Variants in RANBP17 observed in about 807,000 individuals in gnomAD.
RANBP17 encodes the protein RAN binding protein 17.
Under a neutral mutation model 141.2 loss-of-function variants are expected in RANBP17, and 158 were observed. The ratio of observed to expected loss-of-function variants is 1.12; its 90% CI spans 0.98 to 1.28. The LOEUF is 1.28. Among genes scored for constraint, RANBP17 ranks in the 50% most tolerant of loss-of-function variants. The pLI is 0.00. For synonymous variants in RANBP17, 430 were observed against 450.0 expected (o/e 0.96, Z 0.56); for missense variants, 1,438 against 1,290.7 (o/e 1.11, Z -1.75).
chr5:171,185,601 A>G (rs562402491), intron 18 of RANBP17, among the ~76,000 whole-genome samples: 1 of 152,232 alleles, frequency 6.6e-6, no homozygotes, highest in African/African-American at 2.4e-5. Context: ...AGAAGAAGCA[A>G]CTCCTCATCC....
intron 14 of RANBP17, among the ~76,000 whole-genome samples, chr5:171,088,443 G>C (rs1785881697): frequency 6.6e-6 from 1 of 152,024 alleles, no homozygotes; most frequent in Non-Finnish European, 1.5e-5. Context: ...TATGTGTCTT[G>C]GAGTTGCTCT....
At chr5:170,869,727 A>G (rs1187424604) in intron 1 of RANBP17, among the ~76,000 whole-genome samples, 3 of 152,180 alleles carry the variant, frequency 2.0e-5, no homozygotes, top group African/African-American at 7.2e-5. Flanking sequence ...GCGCACTGTA[A>G]ATCCAGCATG....
intron 21 of RANBP17, 90 bp downstream of exon 21, chr5:171,213,828 C>A: frequency 1.0e-6 from 1 of 961,310 alleles, no homozygotes; most frequent in Non-Finnish European, 1.7e-6. Flanking sequence ...TGTGTCTTTC[C>A]AAGGTAGTTA....
intron 14 of RANBP17, among the ~76,000 whole-genome samples, chr5:171,131,161 G>A (rs1209101311): frequency 6.6e-6 from 1 of 152,126 alleles, no homozygotes; most frequent in Non-Finnish European, 1.5e-5. Context: ...TAACTCACAA[G>A]GCTGTTATAA....
intron 20 of RANBP17, among the ~76,000 whole-genome samples, chr5:171,212,647 C>T (rs974907972): frequency 4.6e-5 from 7 of 152,074 alleles, no homozygotes; most frequent in Admixed American, 1.3e-4. Flanking sequence ...GATTTCTACC[C>T]GGACCACACT....
intron 24 of RANBP17, among the ~76,000 whole-genome samples, chr5:171,244,491 G>A (rs1432327264): frequency 2.0e-5 from 3 of 151,946 alleles, no homozygotes; most frequent in Non-Finnish European, 4.4e-5. Flanking sequence ...CTGTTGCCCA[G>A]GCTGGAGTGC....
intron 14 of RANBP17, among the ~76,000 whole-genome samples, chr5:171,063,191 T>C (rs999201171): frequency 5.9e-5 from 9 of 152,252 alleles, no homozygotes; most frequent in Non-Finnish European, 8.8e-5. Context: ...AGCTTTGTTC[T>C]GTTGCTGGTG....
intron 3 of RANBP17, among the ~76,000 whole-genome samples, chr5:170,891,639 G>A (rs1384445407): frequency 6.6e-6 from 1 of 152,148 alleles, no homozygotes; most frequent in South Asian, 2.1e-4. Context: ...AGGGGAAGCT[G>A]GCATGGCTTA....
chr5:171,099,511 T>C (rs912104127), intron 14 of RANBP17, among the ~76,000 whole-genome samples: 2 of 152,170 alleles, frequency 1.3e-5, no homozygotes, highest in African/African-American at 4.8e-5. Flanking sequence ...GGCTGAGATG[T>C]TGGGGTTTTC....
chr5:170,865,089 CAG>C (rs1287167339), intron 1 of RANBP17, among the ~76,000 whole-genome samples: 1 of 151,844 alleles, frequency 6.6e-6, no homozygotes, highest in Non-Finnish European at 1.5e-5. Context: ...TTTTTTGAGA[CAG>C]AATCTTGCTC....
intron 14 of RANBP17, among the ~76,000 whole-genome samples, chr5:171,002,637 A>C (rs1779293555): frequency 6.6e-6 from 1 of 152,150 alleles, no homozygotes; most frequent in Admixed American, 6.6e-5. Context: ...GAGTTAAGGC[A>C]ATGAGTTTGG....
intron 14 of RANBP17, among the ~76,000 whole-genome samples, chr5:170,987,348 A>G (rs1056056405): frequency 1.3e-5 from 2 of 151,604 alleles, no homozygotes; most frequent in South Asian, 4.2e-4. Flanking sequence ...GAATAAATAT[A>G]TCATAATCAG....
At chr5:171,115,616 A>G (rs1465975321) in intron 14 of RANBP17, among the ~76,000 whole-genome samples, 1 of 152,160 alleles carries the variant, frequency 6.6e-6, no homozygotes, top group Non-Finnish European at 1.5e-5. Flanking sequence ...TCGCAGTTTA[A>G]ATTTTTGCAG....
intron 5 of RANBP17, among the ~76,000 whole-genome samples, chr5:170,900,397 C>T (rs925594211): frequency 1.3e-5 from 2 of 151,992 alleles, no homozygotes; most frequent in Non-Finnish European, 2.9e-5. Context: ...TTTGATTCTT[C>T]TCTCTTTTTT....
intron 14 of RANBP17, among the ~76,000 whole-genome samples, chr5:171,138,688 A>G (rs1757481667): frequency 1.3e-5 from 2 of 152,198 alleles, no homozygotes; most frequent in Non-Finnish European, 2.9e-5. Context: ...CAAATATGCC[A>G]TGGTTATATA....
chr5:171,197,743 G>C (rs934622910), intron 18 of RANBP17, among the ~76,000 whole-genome samples: 1 of 152,186 alleles, frequency 6.6e-6, no homozygotes, highest in African/African-American at 2.4e-5. Flanking sequence ...CGGTACAATA[G>C]TTAAGAGCCA....
chr5:171,256,007 G>GA (rs1264562927), intron 24 of RANBP17, among the ~76,000 whole-genome samples: 1 of 151,946 alleles, frequency 6.6e-6, no homozygotes, highest in Non-Finnish European at 1.5e-5. Flanking sequence ...TGGGAATAGG[G>GA]AAAAAAGGAA....
chr5:170,884,445 ATAT>A (rs1768978074), intron 3 of RANBP17, among the ~76,000 whole-genome samples: 1 of 152,168 alleles, frequency 6.6e-6, no homozygotes, highest in Non-Finnish European at 1.5e-5. Flanking sequence ...AGAGAAAAGA[ATAT>A]TATTTGGAAA....
At chr5:170,921,696 G>A (rs1284750870) in intron 11 of RANBP17, among the ~76,000 whole-genome samples, 1 of 152,136 alleles carries the variant, frequency 6.6e-6, no homozygotes, top group Non-Finnish European at 1.5e-5. Context: ...CCATTTTCAT[G>A]ATATTGATTC....
Sources: gnomAD v4.1 joint callset for allele counts (sites outside exome capture counted in the v4.1 genomes callset) on GRCh38, gnomAD v4.1.1 for gene constraint, MANE v1.5 for transcripts, NCBI Gene and HGNC (gene_info 2026-07-23, HGNC 2026-07-21) for gene names.